The following NEK10 variants were observed in gnomAD, a reference collection of about 807,000 sequenced individuals.
The protein encoded by NEK10 is serine/threonine-protein kinase Nek10.
Under a neutral mutation model 159.8 loss-of-function variants are expected in NEK10, and 122 were observed. The ratio of observed to expected loss-of-function variants is 0.76; its 90% CI spans 0.66 to 0.89. NEK10 has a LOEUF of 0.89. Ranked by LOEUF, NEK10 falls within the 40% of genes least tolerant of loss-of-function variation. The pLI is 0.00. For missense variants in NEK10, 1,342 were observed against 1,323.1 expected (o/e 1.01, Z -0.22); for synonymous variants, 466 against 457.1 (o/e 1.02, Z -0.25).
chr3:27,292,131 A>G (rs746192813), intron 16 of NEK10, among the ~76,000 whole-genome samples: 1 of 152,180 alleles, frequency 6.6e-6, no homozygotes, highest in Non-Finnish European at 1.5e-5. Context: ...CTGCTGTACA[A>G]CCTTGTGCTT....
rs567669697 is a variant in NEK10, at chr3:27,157,939, AC to A, written c.2869+4761del. ...TTAAAAGTCTCAGATGATCTTTAGC[AC>A]TTTTTAGCAACAAGGCATTTTTAAT... On this transcript the variant is annotated intron_variant, in intron 30 of 35. Transcript: ENST00000691995. Among the ~76,000 whole-genome samples the A allele has an allele frequency of 2.8e-3, 432 of 152,314 alleles. 4 individuals are homozygous for A. The highest frequency in any genetic ancestry group is 0.01 in the African/African-American group (420 of 41,576).
At chr3:27,293,225 G>A (rs537577898) in intron 16 of NEK10, among the ~76,000 whole-genome samples, 1 of 152,234 alleles carries the variant, frequency 6.6e-6, no homozygotes, top group Non-Finnish European at 1.5e-5. Context: ...TTACCCGATT[G>A]ACTTTCAAAT....
intron 29 of NEK10, among the ~76,000 whole-genome samples, chr3:27,167,472 G>A (rs1053179701): frequency 2.0e-5 from 3 of 152,202 alleles, no homozygotes; most frequent in Non-Finnish European, 2.9e-5. Flanking sequence ...ACTAGGACCT[G>A]AGAATATGTG....
chr3:27,298,678 G>T (rs916641495), intron 13 of NEK10, among the ~76,000 whole-genome samples: 13 of 152,190 alleles, frequency 8.5e-5, no homozygotes, highest in African/African-American at 3.1e-4. Context: ...CTTGTTGAAT[G>T]GCTTTGACCA....
Position 27,289,966 on chromosome 3 carries a change from G to C in NEK10, c.1743+651C>G, listed in dbSNP as rs76493451. Among the ~76,000 whole-genome samples the C allele has an allele frequency of 9.1e-3, 1,381 of 152,336 alleles. 13 individuals carry two copies. The highest frequency in any genetic ancestry group is 0.031 in the African/African-American group (1,291 of 41,570). ...GAGGACAAAAGCAGCAAAGCTGATAGTGCACCACAGGAATTATAAATGAAC... is the reference window on the plus strand; with the variant it reads ...GAGGACAAAAGCAGCAAAGCTGATACTGCACCACAGGAATTATAAATGAAC... On this transcript the variant is annotated intron_variant, in intron 19 of 35. Coordinates refer to ENST00000691995, the MANE Select transcript of NEK10 (RefSeq NM_001394966.1).
At chr3:27,245,230 G>T (rs1394739033) in intron 23 of NEK10, among the ~76,000 whole-genome samples, 1 of 152,158 alleles carries the variant, frequency 6.6e-6, no homozygotes, top group South Asian at 2.1e-4. Context: ...CTTGATTCCT[G>T]AAGCCATTTG....
chr3:27,317,181 G>T (rs1408526632), intron 6 of NEK10, among the ~76,000 whole-genome samples: 3 of 152,206 alleles, frequency 2.0e-5, no homozygotes, highest in African/African-American at 7.2e-5. Flanking sequence ...CCAGGAGATT[G>T]CTCACAGACC....
chr3:27,285,408 G>C (rs1298871166), intron 20 of NEK10, among the ~76,000 whole-genome samples: 1 of 151,924 alleles, frequency 6.6e-6, no homozygotes, highest in Non-Finnish European at 1.5e-5. Flanking sequence ...TTGTTTCATA[G>C]TCTGATAGAT....
chr3:27,212,919 G>A (rs987686767), intron 23 of NEK10, among the ~76,000 whole-genome samples: 34 of 152,186 alleles, frequency 2.2e-4, no homozygotes, highest in African/African-American at 8.2e-4. Context: ...GCCAATTCAT[G>A]CTGACTTCCT....
intron 16 of NEK10, among the ~76,000 whole-genome samples, chr3:27,291,930 C>T (rs892121674): frequency 1.3e-5 from 2 of 152,190 alleles, no homozygotes; most frequent in African/African-American, 4.8e-5. Flanking sequence ...GTGTGAGCCA[C>T]CGCACCCGGC....
At chr3:27,335,673 C>A (rs1009807804) in intron 5 of NEK10, among the ~76,000 whole-genome samples, 9 of 152,098 alleles carry the variant, frequency 5.9e-5, no homozygotes, top group African/African-American at 1.4e-4. Context: ...CTTCTCAGAG[C>A]AGAATGGAAT....
Position 27,155,193 on chromosome 3 carries a change from T to C in NEK10, c.2869+7508A>G, listed in dbSNP as rs142018681. Among the ~76,000 whole-genome samples, 13 of 152,262 alleles carry C rather than the reference T, an allele frequency of 8.5e-5. No individual in the cohort carries two copies. In the East Asian group the frequency reaches 1.4e-3, roughly 16 times the overall value. Reference sequence around the variant, plus strand: ...AATCCAATCAAGAACTCAATTCTTTTCACAATAGCTGCAAAAAGTACAAAT... The same window carrying C: ...AATCCAATCAAGAACTCAATTCTTTCCACAATAGCTGCAAAAAGTACAAAT... On this transcript the variant is annotated intron_variant, in intron 30 of 35. Transcript: ENST00000691995.
At chr3:27,321,750 C>A (rs1181744379) in intron 6 of NEK10, among the ~76,000 whole-genome samples, 1 of 152,106 alleles carries the variant, frequency 6.6e-6, no homozygotes, top group Non-Finnish European at 1.5e-5. Context: ...GGGATTGACC[C>A]TGGAGCAGCT....
intron 29 of NEK10, among the ~76,000 whole-genome samples, chr3:27,166,477 T>C (rs2148837339): frequency 6.6e-6 from 1 of 152,274 alleles, no homozygotes; most frequent in Non-Finnish European, 1.5e-5. Context: ...TCATGCAGTA[T>C]TTATTCAACC....
chr3:27,324,990 C>A (rs1338155476), intron 5 of NEK10, among the ~76,000 whole-genome samples: 1 of 152,168 alleles, frequency 6.6e-6, no homozygotes, highest in Non-Finnish European at 1.5e-5. Context: ...AACACTGGAA[C>A]CTCATAAAGA....
intron 23 of NEK10, among the ~76,000 whole-genome samples, chr3:27,241,410 CTCA>C (rs1954548972): frequency 6.6e-6 from 1 of 152,146 alleles, no homozygotes. Context: ...TTTCTTTAAT[CTCA>C]TGACTTTCTG....
In NEK10 at chr3:27,291,600, T is replaced by C. The variant is rs772270809; in HGVS notation, c.1374-14A>G. On this transcript the variant is annotated splice_polypyrimidine_tract_variant and intron_variant, in intron 16 of 35. Coordinates refer to ENST00000691995, the MANE Select transcript of NEK10 (RefSeq NM_001394966.1). ...GTGGGGAAAAGTCTACAGAGAATAT[T>C]ACACACACTTAAAGTAGAACTTGGA... 6 of 1,364,426 alleles carry C rather than the reference T, an allele frequency of 4.4e-6. No homozygotes were observed. The African/African-American group carries it at 7.1e-5, about 16-fold the overall frequency. 84.5% of individuals were successfully genotyped at this position (1,364,426 alleles called of 1,614,324 possible). A position where few individuals can be genotyped will look rare whatever the true frequency, so the allele number is the denominator to read the frequency against.
At chr3:27,283,326 G>C (rs1162232884) in intron 22 of NEK10, among the ~76,000 whole-genome samples, 1 of 152,096 alleles carries the variant, frequency 6.6e-6, no homozygotes, top group Non-Finnish European at 1.5e-5. Flanking sequence ...AACCCAATGG[G>C]AGTAGGGGCA....
intron 29 of NEK10, among the ~76,000 whole-genome samples, chr3:27,168,118 G>A (rs971499555): frequency 6.6e-6 from 1 of 152,120 alleles, no homozygotes; most frequent in African/African-American, 2.4e-5. Context: ...TTTGGAGGCT[G>A]TGGTCAGAAC....
Sources: gnomAD v4.1 joint callset for allele counts (sites outside exome capture counted in the v4.1 genomes callset) on GRCh38, gnomAD v4.1.1 for gene constraint, MANE v1.5 for transcripts, NCBI Gene and HGNC (gene_info 2026-07-23, HGNC 2026-07-21) for gene names.